Variants in R3HCC1 observed in about 807,000 individuals in gnomAD.
The protein encoded by R3HCC1 is R3H domain and coiled-coil containing 1.
Under a neutral mutation model 40.0 loss-of-function variants are expected in R3HCC1, and 32 were observed. That is an observed-to-expected ratio of 0.80 (90% CI 0.60 to 1.07). R3HCC1 has a LOEUF of 1.07. R3HCC1 is among the 50% of genes least tolerant of loss of function. The pLI is 0.00. For synonymous variants in R3HCC1, 237 were observed against 232.8 expected (o/e 1.02, Z -0.17); for missense variants, 586 against 563.3 (o/e 1.04, Z -0.41).
chr8:23,295,544 G>A, intron 7 of R3HCC1: 1 of 464,090 alleles, frequency 2.2e-6, no homozygotes, highest in South Asian at 1.6e-5. Context: ...GGCCTGCCGA[G>A]GCCAGCTGTG....
intron 1 of R3HCC1, 116 bp downstream of exon 1, chr8:23,288,273 A>G: frequency 8.8e-7 from 1 of 1,131,280 alleles, no homozygotes; most frequent in Non-Finnish European, 1.2e-6. Flanking sequence ...AGCGCAGCGC[A>G]GGGTGTGGAG....
Position 23,288,552 on chromosome 8 carries a change from TC to T in R3HCC1, c.31del (p.Leu11SerfsTer41). The T allele has an allele frequency of 3.9e-6, 6 of 1,535,894 alleles. No homozygotes were observed. Among genetic ancestry groups the T allele is most frequent in the Non-Finnish European group, 5.2e-6 (6 of 1,146,840 alleles). Reference sequence around the variant, plus strand: ...GCCCTTCTCTGCTTGGATGGTGTCTTCCTCTCCTCAGCCGAGAATGACTTCG... The same window carrying T: ...GCCCTTCTCTGCTTGGATGGTGTCTTCTCTCCTCAGCCGAGAATGACTTCG... On this transcript the variant is annotated frameshift_variant, in exon 2 of 8. Transcript: ENST00000265806. LOFTEE classifies it high-confidence loss of function.
chr8:23,291,611 C>G, intron 5 of R3HCC1, 78 bp downstream of exon 5: 1 of 1,523,472 alleles, frequency 6.6e-7, no homozygotes, highest in Non-Finnish European at 8.9e-7. Flanking sequence ...CTTGCCTGCC[C>G]CACACCCAGT....
rs367853285 is a variant in R3HCC1, at chr8:23,291,563, C to G, written c.1025+30C>G. ...GTGGTGGCTGGGGAGGTGCTGCCTT[C>G]AGAGAGGAGCTAAGATACTTCTCTG... On this transcript the variant is annotated intron_variant, in intron 5 of 7. Coordinates refer to ENST00000265806, the MANE Select transcript of R3HCC1 (RefSeq NM_001136108.3). 19 of 1,548,892 alleles carry G rather than the reference C, an allele frequency of 1.2e-5. No individual in the cohort carries two copies. The African/African-American group carries it at 1.9e-4, about 16-fold the overall frequency.
In R3HCC1 at chr8:23,294,794, C is replaced by A. The variant is rs764981644; in HGVS notation, c.1122C>A (p.Phe374Leu). 2.1e-5 allele frequency: 33 copies of A among 1,551,280 alleles called. 1 individual carries two copies. The highest frequency in any genetic ancestry group is 2.8e-5 in the Non-Finnish European group (32 of 1,146,940). The change falls in exon 7 of 8, where the codon TTC becomes TTA. Residue 374 changes from phenylalanine to leucine, a missense_variant. Physicochemically the swap from Phe to Leu is conservative, Grantham distance 22. Transcript: ENST00000265806. Reference sequence around the variant, plus strand: ...CTGCGGAAGCCCTGACCCGGGAGTTCTCGGTGCTCAAGATCCGGCCCCTCA... The same window carrying A: ...CTGCGGAAGCCCTGACCCGGGAGTTATCGGTGCTCAAGATCCGGCCCCTCA...
intron 4 of R3HCC1, chr8:23,291,121 A>G (rs757855249): frequency 7.4e-6 from 3 of 406,824 alleles, no homozygotes; most frequent in East Asian, 4.0e-5. Context: ...TCAGGATTCT[A>G]TGGAACATTA....
At chr8:23,295,840 C>T in intron 7 of R3HCC1, 127 bp from the exon 8 acceptor site, 1 of 1,318,906 alleles carries the variant, frequency 7.6e-7, no homozygotes. Context: ...ACGGGCACAG[C>T]TGGGCCGAGG....
rs1021947566 is a variant in R3HCC1 at position 23,290,312 on chromosome 8, C to T, written c.695C>T (p.Thr232Ile). Residue 232 changes from threonine to isoleucine, a missense_variant, in exon 4 of 8, where the codon ACA becomes ATA. Physicochemically the swap from Thr to Ile is moderately conservative, Grantham distance 89. Coordinates refer to ENST00000265806, the MANE Select transcript of R3HCC1 (RefSeq NM_001136108.3). ...AAGGGAGACATGGTGGAGATGGCCA[C>T]ACGGTTTGGGTCCACCCTGCAGCTA... The T allele has an allele frequency of 9.0e-6, 14 of 1,551,606 alleles. No homozygotes were observed. In the African/African-American group the frequency reaches 1.8e-4, roughly 20 times the overall value.
Position 23,290,043 on chromosome 8 carries a change from GC to G in R3HCC1, c.427del (p.Leu143CysfsTer9), listed in dbSNP as rs1168221126. 2 of 1,544,482 alleles carry G rather than the reference GC, an allele frequency of 1.3e-6. No individual in the cohort carries two copies. Among genetic ancestry groups the G allele is most frequent in the Non-Finnish European group, 1.7e-6 (2 of 1,146,964 alleles). ...ACCAGCCTTTGTATGTGCCCCGGGT[GC>G]TGCGCAGGCAGGAAGAATGGGGGCT... On this transcript the variant is annotated frameshift_variant, in exon 4 of 8. Transcript: ENST00000265806. LOFTEE classifies it high-confidence loss of function.
At chr8:23,291,901 C>T (rs1802876291) in intron 5 of R3HCC1, among the ~76,000 whole-genome samples, 1 of 152,206 alleles carries the variant, frequency 6.6e-6, no homozygotes, top group Admixed American at 6.5e-5. Flanking sequence ...AGGCTACGGG[C>T]CAGCTCCATG....
Position 23,290,400 on chromosome 8 carries a change from C to G in R3HCC1, c.783C>G (p.Asp261Glu), listed in dbSNP as rs909437434. The G allele has an allele frequency of 2.6e-6, 4 of 1,551,402 alleles. No homozygotes were observed. The highest frequency in any genetic ancestry group is 1.7e-6 in the Non-Finnish European group (2 of 1,146,958). ...GGCTGGTGGCAGAGGAGGAAGAGGA[C>G]GAAGAGGAGGTGGAAGAGGATGGCC... The change falls in exon 4 of 8, where the codon GAC becomes GAG. Residue 261 changes from aspartate to glutamate, a missense_variant. By Grantham distance (45) the Asp-to-Glu change is conservative (BLOSUM62 2). Transcript: ENST00000265806.
At chr8:23,292,677 C>T (rs1802893544) in intron 5 of R3HCC1, among the ~76,000 whole-genome samples, 1 of 152,190 alleles carries the variant, frequency 6.6e-6, no homozygotes, top group African/African-American at 2.4e-5. Flanking sequence ...AACTCTGCTT[C>T]CTAAAGCCTT....
intron 7 of R3HCC1, chr8:23,295,326 C>T: frequency 2.7e-6 from 1 of 372,090 alleles, no homozygotes; most frequent in South Asian, 2.0e-5. Flanking sequence ...TTGGTTTCTT[C>T]TTCTGTAAAA....
At chr8:23,294,561 C>A (rs551609975) in intron 6 of R3HCC1, among the ~76,000 whole-genome samples, 1 of 152,296 alleles carries the variant, frequency 6.6e-6, no homozygotes, top group Non-Finnish European at 1.5e-5. Flanking sequence ...GTCCTCTGAG[C>A]GCAGGTGTCC....
Position 23,291,495 on chromosome 8 carries a change from C to T in R3HCC1, c.987C>T (p.Leu329=), listed in dbSNP as rs1209558191. The change falls in exon 5 of 8, where the codon CTC becomes CTT. Residue 329 remains leucine (L), a synonymous_variant. Coordinates refer to ENST00000265806, the MANE Select transcript of R3HCC1 (RefSeq NM_001136108.3). ...AGATCTATGACTTTGAACCAGCGCT[C>T]AAGACGGAGGACCTGCTGGCAACGT... The T allele has an allele frequency of 2.3e-5, 36 of 1,551,498 alleles. No individual in the cohort carries two copies. The highest frequency in any genetic ancestry group is 3.1e-5 in the Non-Finnish European group (36 of 1,146,954).
rs1409764746 is a variant in R3HCC1 at position 23,293,316 on chromosome 8, A to G, written c.1039A>G (p.Arg347Gly). ...CTCGCCGCACAGAGAGAAGGGGTTC[A>G]GGATTCAGTGGGTGGATGATACTCA... The change falls in exon 6 of 8, where the codon AGG (arginine) becomes GGG (glycine). Residue 347 changes from arginine to glycine, a missense_variant. Physicochemically the swap from Arg to Gly is moderately radical, Grantham distance 125. Coordinates refer to ENST00000265806, the MANE Select transcript of R3HCC1 (RefSeq NM_001136108.3). The G allele has an allele frequency of 3.9e-6, 6 of 1,551,428 alleles. No individual in the cohort carries two copies. In the Admixed American group the frequency reaches 1.2e-4, roughly 30 times the overall value.
intron 1 of R3HCC1, 36 bp downstream of exon 1, chr8:23,288,193 A>AC (rs777591631): frequency 8.3e-7 from 1 of 1,201,700 alleles, no homozygotes. Context: ...GGTCGTCCCG[A>AC]CCCCCGGGCT....
At position 23,296,000 on chromosome 8, in the gene R3HCC1, C is replaced by G. The variant is rs1315419130; in HGVS notation, c.1226C>G (p.Thr409Arg). ...CGTCTGGTGAAGGAGAGGCCACAGA[C>G]AAATGCGACTGTGGCCCGGCGGCTG... The change falls in exon 8 of 8, where the codon ACA becomes AGA. Residue 409 changes from threonine to arginine, a missense_variant. Transcript: ENST00000265806. 8 of 1,550,968 alleles carry G rather than the reference C, an allele frequency of 5.2e-6. No individual in the cohort carries two copies. In the East Asian group the frequency reaches 1.5e-4, roughly 28 times the overall value.
intron 6 of R3HCC1, among the ~76,000 whole-genome samples, chr8:23,294,021 A>G (rs1382405276): frequency 6.6e-6 from 1 of 152,194 alleles, no homozygotes; most frequent in Non-Finnish European, 1.5e-5. Flanking sequence ...TGGTCTTCCC[A>G]GAAACAGCCT....
Sources: allele counts gnomAD v4.1 joint callset (sites outside exome capture counted in the v4.1 genomes callset), GRCh38; gene constraint gnomAD v4.1.1; transcripts MANE v1.5; gene names NCBI Gene and HGNC (gene_info 2026-07-23, HGNC 2026-07-21).